The following CNTNAP2 variants were observed in gnomAD, a reference collection of about 807,000 sequenced individuals.
CNTNAP2 encodes contactin-associated protein-like 2.
In CNTNAP2, 98 loss-of-function variants were observed where a neutral mutation model predicts 155.2. The observed-to-expected ratio is 0.63, with a 90% CI of 0.54 to 0.75. The LOEUF (loss-of-function observed/expected upper bound fraction) is 0.75, where lower values mean the gene tolerates loss of function less well. Ranked by LOEUF, CNTNAP2 falls within the 30% of genes least tolerant of loss-of-function variation. CNTNAP2 has a pLI of 0.00. For synonymous variants in CNTNAP2, 651 were observed against 631.2 expected (o/e 1.03, Z -0.47); for missense variants, 1,727 against 1,688.1 (o/e 1.02, Z -0.40).
intron 21 of CNTNAP2, among the ~76,000 whole-genome samples, chr7:148,282,451 G>A (rs1796990565): frequency 6.6e-6 from 1 of 152,184 alleles, no homozygotes; most frequent in African/African-American, 2.4e-5. Flanking sequence ...AATGATAGTA[G>A]TGCCAATATC....
chr7:146,398,507 T>C (rs1309421077), intron 1 of CNTNAP2, among the ~76,000 whole-genome samples: 1 of 152,142 alleles, frequency 6.6e-6, no homozygotes, highest in Non-Finnish European at 1.5e-5. Flanking sequence ...TTATGGGTAC[T>C]ACAATTCAAT....
intron 5 of CNTNAP2, among the ~76,000 whole-genome samples, chr7:147,118,118 C>T (rs985102038): frequency 5.3e-5 from 8 of 151,988 alleles, no homozygotes; most frequent in East Asian, 1.9e-4. Flanking sequence ...TATAAACACC[C>T]AATGCTTAAT....
intron 1 of CNTNAP2, among the ~76,000 whole-genome samples, chr7:146,361,006 G>A (rs908396965): frequency 6.6e-6 from 1 of 152,130 alleles, no homozygotes; most frequent in South Asian, 2.1e-4. Context: ...ACATCGTGAT[G>A]TTTAAGAACA....
intron 9 of CNTNAP2, among the ~76,000 whole-genome samples, chr7:147,319,347 C>T (rs1449900263): frequency 6.6e-6 from 1 of 151,920 alleles, no homozygotes; most frequent in Non-Finnish European, 1.5e-5. Flanking sequence ...TACATTGTTT[C>T]TTTTATTTTT....
chr7:146,741,811 A>G (rs1801721472), intron 1 of CNTNAP2, among the ~76,000 whole-genome samples: 1 of 152,202 alleles, frequency 6.6e-6, no homozygotes, highest in South Asian at 2.1e-4. Context: ...GTAGTAGGAA[A>G]TAAGAATACA....
chr7:147,313,569 T>C (rs1380115055), intron 9 of CNTNAP2, among the ~76,000 whole-genome samples: 5 of 147,846 alleles, frequency 3.4e-5, no homozygotes, highest in Admixed American at 3.4e-4. Context: ...GATCAGATAG[T>C]TGTAGATATG....
intron 15 of CNTNAP2, among the ~76,000 whole-genome samples, chr7:148,043,240 C>T (rs527945295): frequency 6.6e-6 from 1 of 152,162 alleles, no homozygotes; most frequent in Non-Finnish European, 1.5e-5. Flanking sequence ...ACAATTACCC[C>T]CAGGAAGGCA....
intron 3 of CNTNAP2, among the ~76,000 whole-genome samples, chr7:147,012,606 T>C (rs1183195183): frequency 6.6e-6 from 1 of 152,142 alleles, no homozygotes; most frequent in African/African-American, 2.4e-5. Context: ...GAGTTTTAAT[T>C]CTATATAAAA....
Position 148,147,506 on chromosome 7 carries a change from C to A in CNTNAP2, c.2570C>A (p.Ser857Tyr), listed in dbSNP as rs200330677. 1 of 1,614,106 alleles carries A rather than the reference C, an allele frequency of 6.2e-7. No individual in the cohort carries two copies. The highest frequency in any genetic ancestry group is 8.5e-7 in the Non-Finnish European group (1 of 1,180,016). ...GCTCCTCCAGCTGCCACAGAAGTGT[C>A]CTTTTCATTTGATGTGGGAAATGGG... ...KLELKSATEV[S>Y]FSFDVGNGPV... The change falls in exon 17 of 24, where the codon TCC (serine) becomes TAC (tyrosine). Residue 857 changes from serine (S) to tyrosine (Y), a missense_variant. By Grantham distance (144) the Ser-to-Tyr change is moderately radical (BLOSUM62 -2). Transcript: ENST00000361727.
At chr7:146,292,611 G>A (rs1423256238) in intron 1 of CNTNAP2, among the ~76,000 whole-genome samples, 1 of 152,160 alleles carries the variant, frequency 6.6e-6, no homozygotes, top group Non-Finnish European at 1.5e-5. Context: ...ATATGATTGA[G>A]CAATCCCATT....
intron 22 of CNTNAP2, among the ~76,000 whole-genome samples, chr7:148,386,040 T>A (rs1043647381): frequency 6.6e-6 from 1 of 152,184 alleles, no homozygotes; most frequent in Non-Finnish European, 1.5e-5. Flanking sequence ...TTGATTGATT[T>A]ATGAAAATGT....
chr7:147,574,003 T>C (rs375474583), intron 12 of CNTNAP2, among the ~76,000 whole-genome samples: 13 of 152,176 alleles, frequency 8.5e-5, no homozygotes, highest in Admixed American at 5.2e-4. Context: ...AGTTTTCATG[T>C]ATTTGCTGGG....
chr7:148,336,572 A>G (rs1798119606), intron 21 of CNTNAP2, among the ~76,000 whole-genome samples: 1 of 152,092 alleles, frequency 6.6e-6, no homozygotes, highest in Non-Finnish European at 1.5e-5. Context: ...AGCCAAAACT[A>G]AAAGGTACAT....
intron 13 of CNTNAP2, among the ~76,000 whole-genome samples, chr7:147,866,463 C>A (rs1177605524): frequency 6.6e-6 from 1 of 152,132 alleles, no homozygotes; most frequent in African/African-American, 2.4e-5. Flanking sequence ...AGTTCAAGTC[C>A]TGGATATCCT....
At chr7:146,878,006 A>G (rs1447352090) in intron 3 of CNTNAP2, among the ~76,000 whole-genome samples, 6 of 152,186 alleles carry the variant, frequency 3.9e-5, no homozygotes, top group Admixed American at 3.9e-4. Flanking sequence ...ACATTAAAAG[A>G]GGATTCAGAA....
At chr7:148,281,131 C>T (rs1796968223) in intron 21 of CNTNAP2, among the ~76,000 whole-genome samples, 1 of 152,054 alleles carries the variant, frequency 6.6e-6, no homozygotes, top group African/African-American at 2.4e-5. Context: ...CCTGCGCTAG[C>T]CAGTAGAGAT....
intron 1 of CNTNAP2, among the ~76,000 whole-genome samples, chr7:146,484,987 T>C (rs1797032836): frequency 6.6e-6 from 1 of 152,206 alleles, no homozygotes. Flanking sequence ...AAGCTTTTAT[T>C]ATAGCATTAT....
Position 148,417,535 on chromosome 7 carries a change from A to ATACT in CNTNAP2, c.*1922_*1925dup, listed in dbSNP as rs941843277. 2 of 152,506 alleles carry ATACT rather than the reference A, an allele frequency of 1.3e-5. No individual in the cohort carries two copies. Among genetic ancestry groups the ATACT allele is most frequent in the Non-Finnish European group, 2.9e-5 (2 of 68,054 alleles). 9.4% of individuals were successfully genotyped at this position (152,506 alleles called of 1,614,324 possible). On this transcript the variant is annotated 3_prime_UTR_variant, in exon 24 of 24. Transcript: ENST00000361727. ...TATAAAATACATTTAAAATGGAAAA[A>ATACT]TACTTAATATCACTAAATATCAGAA...
At chr7:148,027,822 A>C (rs1354637913) in intron 15 of CNTNAP2, among the ~76,000 whole-genome samples, 3 of 152,164 alleles carry the variant, frequency 2.0e-5, no homozygotes, top group Non-Finnish European at 2.9e-5. Context: ...ATAAAACATA[A>C]ATTGAAAATT....
Sources: allele counts gnomAD v4.1 joint callset (sites outside exome capture counted in the v4.1 genomes callset), GRCh38; gene constraint gnomAD v4.1.1; transcripts MANE v1.5; gene names NCBI Gene and HGNC (gene_info 2026-07-23, HGNC 2026-07-21).